Variants in IMMP2L observed in about 807,000 individuals in gnomAD.
IMMP2L encodes the protein inner mitochondrial membrane peptidase subunit 2.
Under a neutral mutation model 19.3 loss-of-function variants are expected in IMMP2L, and 18 were observed. That is an observed-to-expected ratio of 0.93 (90% CI 0.64 to 1.38). IMMP2L has a LOEUF of 1.38. Among genes scored for constraint, IMMP2L ranks in the 40% most tolerant of loss-of-function variants. The pLI is 0.00. For synonymous variants in IMMP2L, 76 were observed against 73.0 expected (o/e 1.04, Z -0.21); for missense variants, 233 against 218.2 (o/e 1.07, Z -0.43).
intron 3 of IMMP2L, among the ~76,000 whole-genome samples, chr7:111,209,651 T>C (rs542656854): frequency 6.6e-6 from 1 of 152,256 alleles, no homozygotes; most frequent in East Asian, 1.9e-4. Flanking sequence ...TAGGAGCAAA[T>C]GACTTTTTCA....
chr7:111,123,445 A>G lies in IMMP2L; in HGVS notation c.240-159880T>C, dbSNP rs1172444234. On this transcript the variant is annotated intron_variant, in intron 3 of 5. Coordinates refer to ENST00000405709, the MANE Select transcript of IMMP2L (RefSeq NM_032549.4). This position sits in a 1 kb window ranked among gnomAD's most constrained non-coding sequence, Gnocchi z 6.4. ...CCTGGTTATAGCTGGTATAAACCTC[A>G]CAGAAATACCAGATAACGCCTTGGT... 5 of 1,613,540 alleles carry G rather than the reference A, an allele frequency of 3.1e-6. No homozygotes were observed. The highest frequency in any genetic ancestry group is 2.2e-5 in the South Asian group (2 of 90,958).
At chr7:111,451,863 C>G (rs569246894) in intron 3 of IMMP2L, among the ~76,000 whole-genome samples, 12 of 151,932 alleles carry the variant, frequency 7.9e-5, no homozygotes, top group Admixed American at 7.2e-4. Flanking sequence ...GAAGCATATG[C>G]AAGAAATCAA....
intron 3 of IMMP2L, among the ~76,000 whole-genome samples, chr7:111,129,057 T>C (rs1455124698): frequency 6.6e-6 from 1 of 152,144 alleles, no homozygotes; most frequent in African/African-American, 2.4e-5. Context: ...TCTTAAAATT[T>C]CAGAGATTAA....
intron 3 of IMMP2L, among the ~76,000 whole-genome samples, chr7:111,209,135 T>C (rs1811031178): frequency 6.6e-6 from 1 of 152,160 alleles, no homozygotes; most frequent in Admixed American, 6.5e-5. Context: ...CTCACGCCTG[T>C]AATCCCAGCA....
At chr7:110,778,384 T>C (rs1799532826) in intron 5 of IMMP2L, among the ~76,000 whole-genome samples, 1 of 151,970 alleles carries the variant, frequency 6.6e-6, no homozygotes, top group Non-Finnish European at 1.5e-5. Flanking sequence ...TATGTCATTA[T>C]TGGAAGAAGT....
intron 3 of IMMP2L, among the ~76,000 whole-genome samples, chr7:111,477,394 T>C (rs574028447): frequency 9.2e-5 from 14 of 152,270 alleles, no homozygotes; most frequent in South Asian, 2.1e-4. Context: ...AATAGAACAA[T>C]TGAGCATGTG....
chr7:110,766,741 C>A (rs1177775149), intron 5 of IMMP2L, among the ~76,000 whole-genome samples: 2 of 151,802 alleles, frequency 1.3e-5, no homozygotes, highest in African/African-American at 4.8e-5. Flanking sequence ...TTACATTTGT[C>A]CTAACTTTTT....
chr7:111,199,011 C>T (rs1195165792), intron 3 of IMMP2L, among the ~76,000 whole-genome samples: 2 of 152,136 alleles, frequency 1.3e-5, no homozygotes, highest in African/African-American at 4.8e-5. Context: ...GACTAAATTC[C>T]ACTGAACTTG....
intron 3 of IMMP2L, among the ~76,000 whole-genome samples, chr7:111,383,583 C>T (rs947178429): frequency 6.6e-6 from 1 of 152,088 alleles, no homozygotes; most frequent in African/African-American, 2.4e-5. Flanking sequence ...GCTATCCAGC[C>T]TTTGTCCACC....
intron 5 of IMMP2L, among the ~76,000 whole-genome samples, chr7:110,731,762 T>C (rs1475160870): frequency 1.3e-5 from 2 of 152,194 alleles, no homozygotes; most frequent in African/African-American, 4.8e-5. Flanking sequence ...AGTATGAGAT[T>C]ATAAAGCCTG....
intron 3 of IMMP2L, among the ~76,000 whole-genome samples, chr7:111,217,800 G>A (rs1301334987): frequency 6.6e-6 from 1 of 151,952 alleles, no homozygotes; most frequent in African/African-American, 2.4e-5. Context: ...AAAACTGCCT[G>A]ACATGAAATA....
rs189871532 is a variant in IMMP2L, at chr7:111,388,599, C to T, written c.239+98639G>A. Among the ~76,000 whole-genome samples, 306 of 152,194 alleles carry T rather than the reference C, an allele frequency of 2.0e-3. 3 individuals are homozygous for T. Among genetic ancestry groups the T allele is most frequent in the Admixed American group, 1.3e-3 (20 of 15,286 alleles). ...ACAAACAGAGGTTTAATTGGACTTA[C>T]AGTTCCACATGGCTGAGGAGGCCTC... On this transcript the variant is annotated intron_variant, in intron 3 of 5. Transcript: ENST00000405709.
chr7:110,880,448 A>G (rs932875249), intron 5 of IMMP2L, among the ~76,000 whole-genome samples: 3 of 152,132 alleles, frequency 2.0e-5, no homozygotes, highest in Non-Finnish European at 4.4e-5. Context: ...AAAGTTATTT[A>G]CATAGCTTGC....
intron 3 of IMMP2L, among the ~76,000 whole-genome samples, chr7:111,405,714 C>T (rs1447224779): frequency 6.6e-6 from 1 of 152,112 alleles, no homozygotes; most frequent in East Asian, 1.9e-4. Flanking sequence ...TTCCTAACCT[C>T]TAAGTGTTGG....
chr7:111,032,341 C>A (rs1216114913), intron 3 of IMMP2L, among the ~76,000 whole-genome samples: 2 of 152,024 alleles, frequency 1.3e-5, no homozygotes, highest in Admixed American at 6.6e-5. Context: ...ATAAACTGAT[C>A]CTTGACAAAT....
At chr7:111,134,135 C>T (rs1158407191) in intron 3 of IMMP2L, among the ~76,000 whole-genome samples, 1 of 151,784 alleles carries the variant, frequency 6.6e-6, no homozygotes, top group Non-Finnish European at 1.5e-5. Context: ...ATTTCTTTTT[C>T]AGAAATTTCA....
chr7:111,501,581 G>A (rs1004530474), intron 2 of IMMP2L, among the ~76,000 whole-genome samples: 10 of 152,172 alleles, frequency 6.6e-5, no homozygotes, highest in East Asian at 1.9e-4. Flanking sequence ...GAGAAAGGTC[G>A]GGTTACCCAC....
At position 110,861,933 on chromosome 7, in the gene IMMP2L, C is replaced by T. The variant is rs372049749; in HGVS notation, c.408+24660G>A. On this transcript the variant is annotated intron_variant, in intron 5 of 5. Transcript: ENST00000405709. Reference sequence around the variant, plus strand: ...AAAATATGGGAAAACATATTAATTCCAATCAACACTATTATATTACAAGTA... The same window carrying T: ...AAAATATGGGAAAACATATTAATTCTAATCAACACTATTATATTACAAGTA... Among the ~76,000 whole-genome samples, 59 of 152,090 alleles carry T rather than the reference C, an allele frequency of 3.9e-4. 1 individual carries two copies. Among genetic ancestry groups the T allele is most frequent in the Middle Eastern group, 6.8e-3 (2 of 294 alleles).
intron 3 of IMMP2L, among the ~76,000 whole-genome samples, chr7:111,016,513 T>C (rs1825576047): frequency 8.3e-6 from 1 of 119,956 alleles, no homozygotes; most frequent in Non-Finnish European, 1.6e-5. Flanking sequence ...TTATGTATTT[T>C]ATATTATATA....
Sources: gnomAD v4.1 joint callset for allele counts (sites outside exome capture counted in the v4.1 genomes callset) on GRCh38, gnomAD v4.1.1 for gene constraint, Gnocchi (gnomAD v3.1) non-coding constraint, MANE v1.5 for transcripts, NCBI Gene and HGNC (gene_info 2026-07-23, HGNC 2026-07-21) for gene names.